The following FAM227A variants were observed in gnomAD, a reference collection of about 807,000 sequenced individuals.
FAM227A encodes the protein protein FAM227A.
A neutral mutation model predicts 74.7 loss-of-function variants in FAM227A; 80 were observed. The observed-to-expected ratio is 1.07, with a 90% confidence interval of 0.89 to 1.29. The LOEUF is 1.29. Ranked by LOEUF, FAM227A falls within the 50% of genes most tolerant of loss-of-function variation. The probability of loss-of-function intolerance (pLI) is 0.00; values close to 1 mark genes in which losing one functional copy is unlikely to be tolerated. For missense variants in FAM227A, 654 were observed against 683.4 expected, an observed-to-expected ratio of 0.96 and a Z score of 0.48; for synonymous variants, 237 against 241.8, an observed-to-expected ratio of 0.98 and a Z score of 0.19.
At chr22:38,622,036 G>A (rs959474961) in intron 10 of FAM227A, among the ~76,000 whole-genome samples, 1 of 152,152 alleles carries the variant, frequency 6.6e-6, no homozygotes, top group Non-Finnish European at 1.5e-5. Flanking sequence ...TTGAAGACTA[G>A]CTTCCTAAGA....
rs956795836 is a variant in FAM227A at position 38,638,883 on chromosome 22, G to A, written c.296-61C>T. On this transcript the variant is annotated intron_variant, in intron 4 of 16. Transcript: ENST00000535113. Reference sequence around the variant, plus strand: ...CACAGGGTCTGTCCACAGCTGTGCGGTGCTTACAACTGTGCTTTTTCATTC... The same window carrying A: ...CACAGGGTCTGTCCACAGCTGTGCGATGCTTACAACTGTGCTTTTTCATTC... 13 of 1,109,566 alleles carry A rather than the reference G, an allele frequency of 1.2e-5. No homozygotes were observed. The South Asian group carries it at 1.9e-4, about 17-fold the overall frequency. 68.7% of individuals were successfully genotyped at this position (1,109,566 alleles called of 1,614,324 possible).
chr22:38,588,462 T>C (rs543618547), intron 16 of FAM227A, among the ~76,000 whole-genome samples: 5 of 148,464 alleles, frequency 3.4e-5, no homozygotes, highest in Non-Finnish European at 1.5e-5. Flanking sequence ...CTACTAAAAA[T>C]GCAAAAATTA....
chr22:38,634,676 T>A (rs2091970586), intron 6 of FAM227A, among the ~76,000 whole-genome samples: 1 of 152,146 alleles, frequency 6.6e-6, no homozygotes, highest in African/African-American at 2.4e-5. Flanking sequence ...CACTGTCCTG[T>A]AGGGAACGTG....
chr22:38,653,377 CTTT>C (rs34626242), intron 1 of FAM227A, among the ~76,000 whole-genome samples: 5 of 137,640 alleles, frequency 3.6e-5, no homozygotes, highest in Admixed American at 1.5e-4. Flanking sequence ...GAATGTAATG[CTTT>C]TTTTTTTTTT....
intron 3 of FAM227A, 105 bp downstream of exon 3, chr22:38,645,458 G>A: frequency 1.4e-6 from 1 of 690,424 alleles, no homozygotes; most frequent in South Asian, 1.8e-5. Flanking sequence ...GTGTAAACAT[G>A]TTTTCAAATA....
Position 38,578,900 on chromosome 22 carries a change from T to A in FAM227A, c.*7225A>T, listed in dbSNP as rs1230734080. The A allele has an allele frequency of 6.6e-6, 1 of 152,232 alleles. No homozygotes were observed. Among genetic ancestry groups the A allele is most frequent in the East Asian group, 1.9e-4 (1 of 5,196 alleles). 9.4% of individuals were successfully genotyped at this position (152,232 alleles called of 1,614,324 possible). ...AATAATGATCATGATAGCCAGTACATGCTGCACTTACCATGTGTCAGGCAC... is the reference window on the plus strand; with the variant it reads ...AATAATGATCATGATAGCCAGTACAAGCTGCACTTACCATGTGTCAGGCAC... On this transcript the variant is annotated 3_prime_UTR_variant, in exon 17 of 17. Transcript: ENST00000535113.
chr22:38,605,249 C>T lies in FAM227A; in HGVS notation c.1221+5G>A. 1.3e-6 allele frequency: 2 copies of T among 1,514,914 alleles called. No individual in the cohort carries two copies. The highest frequency in any genetic ancestry group is 1.8e-6 in the Non-Finnish European group (2 of 1,113,420). 93.8% of individuals were successfully genotyped at this position (1,514,914 alleles called of 1,614,324 possible). On this transcript the variant is annotated splice_donor_5th_base_variant and intron_variant, in intron 13 of 16. Transcript: ENST00000535113. ...TTACTATTAAATTTCCAATCATGTG[C>T]TCACCTTTTTAGGAAACATATTCTC...
intron 3 of FAM227A, among the ~76,000 whole-genome samples, chr22:38,643,817 G>A (rs571814731): frequency 6.6e-6 from 1 of 152,224 alleles, no homozygotes; most frequent in African/African-American, 2.4e-5. Flanking sequence ...GCACTAAAAA[G>A]AAATGAACTA....
chr22:38,644,167 A>C (rs1214621494), intron 3 of FAM227A, among the ~76,000 whole-genome samples: 2 of 151,406 alleles, frequency 1.3e-5, no homozygotes, highest in East Asian at 3.9e-4. Context: ...AAAAAAAAAA[A>C]AGATGTGGAG....
At chr22:38,627,316 C>T (rs1569221420) in intron 8 of FAM227A, among the ~76,000 whole-genome samples, 1 of 151,716 alleles carries the variant, frequency 6.6e-6, no homozygotes, top group Non-Finnish European at 1.5e-5. Flanking sequence ...GCCTGTAATC[C>T]CAGCACTTTG....
intron 8 of FAM227A, among the ~76,000 whole-genome samples, chr22:38,626,891 A>AAAAAAAAATATATATAT (rs1555966996): frequency 1.6e-4 from 9 of 57,682 alleles, no homozygotes; most frequent in Non-Finnish European, 2.3e-4. Context: ...AAAAAAAAAA[A>AAAAAAAAATATATATAT]ATATATATAT....
At chr22:38,655,247 T>C (rs1315652530) in intron 1 of FAM227A, among the ~76,000 whole-genome samples, 2 of 152,062 alleles carry the variant, frequency 1.3e-5, no homozygotes, top group Non-Finnish European at 2.9e-5. Flanking sequence ...ATTCAAATTT[T>C]GGCCAGGCGC....
chr22:38,617,291 A>AC (rs2091597680), intron 11 of FAM227A, among the ~76,000 whole-genome samples: 1 of 137,646 alleles, frequency 7.3e-6, no homozygotes, highest in African/African-American at 2.8e-5. Context: ...GTGAGAACAG[A>AC]CTTTTTTTTT....
intron 1 of FAM227A, 75 bp from the exon 2 acceptor site, chr22:38,650,337 C>T: frequency 1.6e-6 from 1 of 635,368 alleles, no homozygotes; most frequent in Non-Finnish European, 2.7e-6. Flanking sequence ...CCCAGCTACA[C>T]AGGGTTGATG....
chr22:38,652,747 G>A (rs1012629741), intron 1 of FAM227A, among the ~76,000 whole-genome samples: 1 of 150,732 alleles, frequency 6.6e-6, no homozygotes, highest in Non-Finnish European at 1.5e-5. Context: ...CGTGGTGGCG[G>A]GCTCCTGTAG....
In FAM227A at chr22:38,591,530, T is replaced by G; in HGVS notation, c.1543A>C (p.Asn515His). 1 of 1,541,720 alleles carries G rather than the reference T, an allele frequency of 6.5e-7. No individual in the cohort carries two copies. Among genetic ancestry groups the G allele is most frequent in the East Asian group, 2.5e-5 (1 of 40,674 alleles). ...GTATCTGCTGCTTTTGGATCAATAT[T>G]CTTCATTTCCCTGGGAGGAAAACAC... ...LQDNFSREMK[N>H]IDPKAADTKK... Residue 515 changes from asparagine (N) to histidine (H), a missense_variant, in exon 16 of 17, where the codon AAT (asparagine) becomes CAT (histidine). Coordinates refer to ENST00000535113, the MANE Select transcript of FAM227A (RefSeq NM_001013647.2).
chr22:38,645,588 C>A lies in FAM227A; in HGVS notation c.200G>T (p.Arg67Leu). The change falls in exon 3 of 17, where the codon CGT (arginine) becomes CTT (leucine). Residue 67 changes from arginine (R) to leucine (L), a missense_variant. Transcript: ENST00000535113. Reference sequence around the variant, plus strand: ...CAGGCTGTTGGCCGACGGCTCGGTACGCAGATTTATGTCAGCAATCTTTTG... The same window carrying A: ...CAGGCTGTTGGCCGACGGCTCGGTAAGCAGATTTATGTCAGCAATCTTTTG... ...VNQKIADINL[R>L]TEPSANSLAI... 3.2e-6 allele frequency: 5 copies of A among 1,551,318 alleles called. No homozygotes were observed. Among genetic ancestry groups the A allele is most frequent in the Non-Finnish European group, 4.4e-6 (5 of 1,146,870 alleles).
chr22:38,613,477 T>C (rs1278625914), intron 11 of FAM227A, among the ~76,000 whole-genome samples: 2 of 129,438 alleles, frequency 1.5e-5, no homozygotes, highest in East Asian at 4.1e-4. Flanking sequence ...AGCCCAGGGA[T>C]GTCCTTGGAC....
intron 11 of FAM227A, among the ~76,000 whole-genome samples, chr22:38,610,923 G>A (rs2091399514): frequency 6.6e-6 from 1 of 152,086 alleles, no homozygotes; most frequent in Non-Finnish European, 1.5e-5. Flanking sequence ...AGCGGGGAGT[G>A]GTGGCAGGCA....
Sources: allele counts gnomAD v4.1 joint callset (sites outside exome capture counted in the v4.1 genomes callset), GRCh38; gene constraint gnomAD v4.1.1; transcripts MANE v1.5; gene names NCBI Gene and HGNC (gene_info 2026-07-23, HGNC 2026-07-21).